The following PTPRU variants were observed in gnomAD, a reference collection of about 807,000 sequenced individuals.
PTPRU encodes receptor-type tyrosine-protein phosphatase U.
In PTPRU, 69 loss-of-function variants were observed where a neutral mutation model predicts 166.3. That is an observed-to-expected ratio of 0.41 (90% confidence interval 0.34 to 0.51). The LOEUF is 0.51. PTPRU is among the 20% of genes least tolerant of loss of function. The probability of loss-of-function intolerance (pLI) is 0.09; values close to 1 mark genes in which losing one functional copy is unlikely to be tolerated. For synonymous variants in PTPRU, 793 were observed against 814.0 expected (o/e 0.97, Z 0.44); for missense variants, 1,657 against 2,013.7 (o/e 0.82, Z 3.39).
intron 8 of PTPRU, among the ~76,000 whole-genome samples, chr1:29,276,735 A>G (rs996121866): frequency 3.9e-5 from 6 of 152,180 alleles, no homozygotes; most frequent in Non-Finnish European, 5.9e-5. Context: ...TGAAGACTGT[A>G]TAAATTAATC....
At chr1:29,246,099 C>T (rs1339142960) in intron 1 of PTPRU, among the ~76,000 whole-genome samples, 1 of 152,248 alleles carries the variant, frequency 6.6e-6, no homozygotes, top group African/African-American at 2.4e-5. Context: ...CTGGGCATGG[C>T]CCCTCTGCAT....
chr1:29,317,876 C>T lies in PTPRU; in HGVS notation c.3642C>T (p.Ser1214=), dbSNP rs777035926. 1.2e-6 allele frequency: 2 copies of T among 1,614,058 alleles called. No individual in the cohort carries two copies. Among genetic ancestry groups the T allele is most frequent in the Non-Finnish European group, 1.7e-6 (2 of 1,180,028 alleles). The part of the protein sequence containing the change: ...PPDRCLPFLI[S]TDGDSNNYIN... Reference sequence around the variant, plus strand: ...ACCGCTGCCTGCCCTTCCTCATCTCCACTGATGGGGACTCCAACAACTACA... The same window carrying T: ...ACCGCTGCCTGCCCTTCCTCATCTCTACTGATGGGGACTCCAACAACTACA... The change falls in exon 25 of 30, where the codon TCC becomes TCT. Residue 1214 remains serine, a synonymous_variant. Coordinates refer to ENST00000373779, the MANE Select transcript of PTPRU (RefSeq NM_133178.4). This position sits in a 1 kb window ranked among gnomAD's most constrained non-coding sequence, Gnocchi z 5.6.
chr1:29,242,282 G>A (rs929944318), intron 1 of PTPRU, among the ~76,000 whole-genome samples: 22 of 152,192 alleles, frequency 1.4e-4, no homozygotes, highest in Non-Finnish European at 2.6e-4. Context: ...AAGGGGTGTG[G>A]ACGTGTTGGG....
In PTPRU at chr1:29,237,277, C is replaced by A. The variant is rs181492358; in HGVS notation, c.73+560C>A. 2.0e-5 allele frequency among the ~76,000 whole-genome samples: 3 copies of A among 151,740 alleles called. No homozygotes were observed. The highest frequency in any genetic ancestry group is 2.0e-4 in the Admixed American group (3 of 15,266). ...GTGTACATGTGTGAAGGCGTGGGAA[C>A]GGGTCCGGAACGTGTGTGTCCGTGC... On this transcript the variant is annotated intron_variant, in intron 1 of 29. Transcript: ENST00000373779. This position sits in a 1 kb window ranked among gnomAD's most constrained non-coding sequence, Gnocchi z 6.4.
At chr1:29,269,182 T>TACA (rs2151948426) in intron 7 of PTPRU, among the ~76,000 whole-genome samples, 1 of 139,046 alleles carries the variant, frequency 7.2e-6, no homozygotes, top group African/African-American at 2.6e-5. Context: ...CAGCTGGGGC[T>TACA]ACAGGCTTGC....
rs768189373 is a variant in PTPRU, at chr1:29,312,631, C to T, written c.3152C>T (p.Thr1051Met). The part of the protein sequence containing the change: ...WPEHGVPYHA[T>M]GLLAFIRRVK... ...GAGCATGGCGTCCCCTACCATGCCA[C>T]GGGGCTGCTGGCTTTCATCCGGCGC... The change falls in exon 22 of 30, where the codon ACG (threonine) becomes ATG (methionine). Residue 1051 changes from threonine to methionine, a missense_variant. This residue lies in a region of PTPRU where 1,190 missense variants were observed against 1,477.4 expected (regional missense o/e 0.81). Transcript: ENST00000373779. 2.5e-6 allele frequency: 4 copies of T among 1,611,956 alleles called. No homozygotes were observed. The highest frequency in any genetic ancestry group is 2.2e-5 in the South Asian group (2 of 90,980).
At chr1:29,270,739 G>T (rs1685526189) in intron 7 of PTPRU, among the ~76,000 whole-genome samples, 1 of 152,186 alleles carries the variant, frequency 6.6e-6, no homozygotes, top group Non-Finnish European at 1.5e-5. Context: ...GAGGCAGGTG[G>T]ATCACTTCAG....
At chr1:29,304,919 A>G in intron 17 of PTPRU, 70 bp downstream of exon 17, 1 of 1,432,362 alleles carries the variant, frequency 7.0e-7, no homozygotes, top group South Asian at 1.2e-5. Flanking sequence ...GAACACAGCC[A>G]GGGTGAGCTG....
chr1:29,265,974 C>A (rs1685280740), intron 7 of PTPRU, among the ~76,000 whole-genome samples: 1 of 146,528 alleles, frequency 6.8e-6, no homozygotes, highest in Non-Finnish European at 1.5e-5. Flanking sequence ...CTAAGAACTC[C>A]TTGCCTATCC....
At chr1:29,283,462 CT>C (rs1383799979) in intron 12 of PTPRU, among the ~76,000 whole-genome samples, 1 of 152,122 alleles carries the variant, frequency 6.6e-6, no homozygotes, top group Non-Finnish European at 1.5e-5. Context: ...GTCTCTGCCC[CT>C]TCCTGAGGCC....
chr1:29,291,356 T>C lies in PTPRU; in HGVS notation c.2319-513T>C, dbSNP rs1358497318. On this transcript the variant is annotated intron_variant, in intron 14 of 29. Transcript: ENST00000373779. This position sits in a 1 kb window ranked among gnomAD's most constrained non-coding sequence, Gnocchi z 4.1. ...CTCTGGCTGAGCACAAGCTAGACTC[T>C]CTGCGGGGAAGGAGGGGTGTAGTCC... 1.3e-5 allele frequency among the ~76,000 whole-genome samples: 2 copies of C among 151,880 alleles called. No individual in the cohort carries two copies. The highest frequency in any genetic ancestry group is 2.9e-5 in the Non-Finnish European group (2 of 67,992).
chr1:29,315,409 G>T lies in PTPRU; in HGVS notation c.3265G>T (p.Asp1089Tyr). ...TGRTGCYIVL[D>Y]VMLDMAECEG... ...CCGCACAGGTTGCTATATCGTCCTG[G>T]ATGTGATGCTGGACATGGCAGAGTG... Residue 1089 changes from aspartate to tyrosine, a missense_variant, in exon 23 of 30, where the codon GAT becomes TAT. Physicochemically the swap from Asp to Tyr is radical, Grantham distance 160. Coordinates refer to ENST00000373779, the MANE Select transcript of PTPRU (RefSeq NM_133178.4). This position sits in a 1 kb window ranked among gnomAD's most constrained non-coding sequence, Gnocchi z 4.5. The T allele has an allele frequency of 6.2e-7, 1 of 1,614,202 alleles. No individual in the cohort carries two copies. The highest frequency in any genetic ancestry group is 1.1e-5 in the South Asian group (1 of 91,086).
chr1:29,258,899 C>A, intron 3 of PTPRU, 123 bp downstream of exon 3: 1 of 1,398,766 alleles, frequency 7.1e-7, no homozygotes, highest in Non-Finnish European at 9.5e-7. Context: ...TCAGAGGCAA[C>A]CTGTGGTCAA....
At chr1:29,304,734 G>T in intron 16 of PTPRU, 40 bp from the exon 17 acceptor site, 1 of 1,531,536 alleles carries the variant, frequency 6.5e-7, no homozygotes, top group Non-Finnish European at 9.0e-7. Context: ...CTCAGTGAGG[G>T]TCCCTCTCTC....
intron 15 of PTPRU, among the ~76,000 whole-genome samples, chr1:29,300,231 A>G (rs914673265): frequency 3.9e-5 from 6 of 152,344 alleles, no homozygotes; most frequent in African/African-American, 1.4e-4. Flanking sequence ...CCCATCTCTC[A>G]GTGTCTACAT....
At chr1:29,304,172 C>G in intron 16 of PTPRU, 127 bp downstream of exon 16, 1 of 1,166,576 alleles carries the variant, frequency 8.6e-7, no homozygotes, top group South Asian at 1.8e-5. Flanking sequence ...CAGTTTCCAA[C>G]TCAACCTTTT....
In PTPRU at chr1:29,326,672, T is replaced by C. The variant is rs1018203061; in HGVS notation, c.*1011T>C. 2 of 152,254 alleles carry C rather than the reference T, an allele frequency of 1.3e-5. No homozygotes were observed. Among genetic ancestry groups the C allele is most frequent in the African/African-American group, 4.8e-5 (2 of 41,454 alleles). The allele number at this position is 152,254 out of a possible 1,614,324, so 9.4% of individuals were successfully genotyped here. A position where few individuals can be genotyped will look rare whatever the true frequency, so the allele number is the denominator to read the frequency against. On this transcript the variant is annotated 3_prime_UTR_variant, in exon 30 of 30. Transcript: ENST00000373779. Reference sequence around the variant, plus strand: ...TAAAATGGGGCAGGCCACACCCCCATTCCGTGCCTCAATTTCCCCATCTGT... The same window carrying C: ...TAAAATGGGGCAGGCCACACCCCCACTCCGTGCCTCAATTTCCCCATCTGT...
At position 29,237,852 on chromosome 1, in the gene PTPRU, G is replaced by A. The variant is rs1344950448; in HGVS notation, c.73+1135G>A. Among the ~76,000 whole-genome samples the A allele has an allele frequency of 6.9e-6, 1 of 145,932 alleles. No homozygotes were observed. The highest frequency in any genetic ancestry group is 1.5e-5 in the Non-Finnish European group (1 of 65,654). Reference sequence around the variant, plus strand: ...ACCGGCGGGCGCTCCTGCGGTGGCCGGGCCGCGGCTGCGCCCCGGGCGGCC... The same window carrying A: ...ACCGGCGGGCGCTCCTGCGGTGGCCAGGCCGCGGCTGCGCCCCGGGCGGCC... On this transcript the variant is annotated intron_variant, in intron 1 of 29. Coordinates refer to ENST00000373779, the MANE Select transcript of PTPRU (RefSeq NM_133178.4). This position sits in a 1 kb window ranked among gnomAD's most constrained non-coding sequence, Gnocchi z 6.4.
chr1:29,283,553 C>G (rs991410461), intron 12 of PTPRU, among the ~76,000 whole-genome samples: 1 of 152,082 alleles, frequency 6.6e-6, no homozygotes, highest in African/African-American at 2.4e-5. Context: ...GCCTAGGACC[C>G]GCCTCCTCCC....
Sources: allele counts gnomAD v4.1 joint callset (sites outside exome capture counted in the v4.1 genomes callset), GRCh38; gene constraint gnomAD v4.1.1; regional missense constraint gnomAD v4.1.1; non-coding constraint Gnocchi (gnomAD v3.1); transcripts MANE v1.5; gene names NCBI Gene and HGNC (gene_info 2026-07-23, HGNC 2026-07-21).